AGBL4: variants seen among roughly 807,000 people sequenced by gnomAD.
AGBL4 encodes cytosolic carboxypeptidase 6.
Under a neutral mutation model 66.4 loss-of-function variants are expected in AGBL4, and 58 were observed. The observed-to-expected ratio is 0.87, with a 90% CI of 0.71 to 1.09. The LOEUF is 1.09. Among genes scored for constraint, AGBL4 ranks in the 50% least tolerant of loss-of-function variants. The probability of loss-of-function intolerance (pLI) is 0.00; values close to 1 mark genes in which losing one functional copy is unlikely to be tolerated. For synonymous variants in AGBL4, 234 were observed against 222.9 expected (o/e 1.05, Z -0.44); for missense variants, 579 against 631.0 (o/e 0.92, Z 0.88).
intron 2 of AGBL4, among the ~76,000 whole-genome samples, chr1:49,799,540 G>GT (rs1644809255): frequency 6.6e-6 from 1 of 152,132 alleles, no homozygotes; most frequent in South Asian, 2.1e-4. Context: ...GCTTTTAACA[G>GT]TTGTTTATAG....
intron 2 of AGBL4, among the ~76,000 whole-genome samples, chr1:49,832,742 A>G (rs936006272): frequency 3.3e-5 from 5 of 152,220 alleles, no homozygotes; most frequent in Admixed American, 6.5e-5. Context: ...TTTCTCTGAT[A>G]GCCAATGATG....
intron 2 of AGBL4, among the ~76,000 whole-genome samples, chr1:49,728,124 C>A (rs867642169): frequency 6.6e-6 from 1 of 152,122 alleles, no homozygotes; most frequent in African/African-American, 2.4e-5. Flanking sequence ...TTAAAGTACT[C>A]CTGCCCTATA....
At chr1:48,789,300 T>A (rs921333695) in intron 6 of AGBL4, among the ~76,000 whole-genome samples, 14 of 151,298 alleles carry the variant, frequency 9.3e-5, no homozygotes, top group African/African-American at 2.9e-4. Flanking sequence ...ATATATTTTT[T>A]TTTTTTGAGA....
intron 6 of AGBL4, among the ~76,000 whole-genome samples, chr1:48,751,728 T>C (rs1342880699): frequency 1.3e-5 from 2 of 152,006 alleles, no homozygotes; most frequent in African/African-American, 2.4e-5. Context: ...ATTCTGACAA[T>C]GGGGAAAAGC....
chr1:48,788,364 C>T (rs1645458821), intron 6 of AGBL4, among the ~76,000 whole-genome samples: 1 of 152,194 alleles, frequency 6.6e-6, no homozygotes, highest in African/African-American at 2.4e-5. Flanking sequence ...TTTTCCTCCT[C>T]CCTGAAGGCT....
intron 3 of AGBL4, among the ~76,000 whole-genome samples, chr1:49,624,583 A>G (rs995527675): frequency 3.3e-5 from 5 of 152,216 alleles, no homozygotes; most frequent in African/African-American, 9.6e-5. Context: ...AGCTGACTCA[A>G]TTGGAAGGTG....
At chr1:49,290,111 C>T (rs929886273) in intron 3 of AGBL4, among the ~76,000 whole-genome samples, 2 of 152,134 alleles carry the variant, frequency 1.3e-5, no homozygotes, top group African/African-American at 2.4e-5. Context: ...CTCAAAAACA[C>T]AATTTATTGA....
intron 6 of AGBL4, among the ~76,000 whole-genome samples, chr1:48,828,558 T>C (rs1490069282): frequency 6.6e-6 from 1 of 152,206 alleles, no homozygotes; most frequent in Admixed American, 6.5e-5. Flanking sequence ...TTCAAATATT[T>C]GGAGTGATTT....
intron 6 of AGBL4, among the ~76,000 whole-genome samples, chr1:48,810,456 G>A (rs558759523): frequency 6.6e-6 from 1 of 152,078 alleles, no homozygotes; most frequent in Non-Finnish European, 1.5e-5. Context: ...AAGAGCACAG[G>A]CCTCAGGCCT....
At chr1:49,323,979 CTG>C (rs1258589018) in intron 3 of AGBL4, among the ~76,000 whole-genome samples, 2 of 152,184 alleles carry the variant, frequency 1.3e-5, no homozygotes, top group Non-Finnish European at 2.9e-5. Flanking sequence ...TTAGTCAAAA[CTG>C]TAATTAATTA....
chr1:49,240,807 A>G (rs1045174562), intron 4 of AGBL4, among the ~76,000 whole-genome samples: 1 of 151,310 alleles, frequency 6.6e-6, no homozygotes, highest in Non-Finnish European at 1.5e-5. Flanking sequence ...CCTACCTGAC[A>G]TCTCTGCTTG....
chr1:48,898,588 C>A (rs150251243), intron 5 of AGBL4, among the ~76,000 whole-genome samples: 1 of 152,100 alleles, frequency 6.6e-6, no homozygotes, highest in Non-Finnish European at 1.5e-5. Flanking sequence ...GTTCTTGGCA[C>A]CTTTGTTAAA....
intron 11 of AGBL4, among the ~76,000 whole-genome samples, chr1:48,570,827 A>G (rs746169524): frequency 2.6e-5 from 4 of 152,160 alleles, no homozygotes; most frequent in Non-Finnish European, 5.9e-5. Context: ...CTTAGTGCGT[A>G]TAAGTAGGGG....
At chr1:49,627,971 C>T (rs1365982233) in intron 3 of AGBL4, among the ~76,000 whole-genome samples, 10 of 152,242 alleles carry the variant, frequency 6.6e-5, no homozygotes, top group East Asian at 3.9e-4. Context: ...GATATCCAAT[C>T]GCAGATAAGC....
chr1:49,366,848 C>T (rs1440287813), intron 3 of AGBL4, among the ~76,000 whole-genome samples: 1 of 152,120 alleles, frequency 6.6e-6, no homozygotes, highest in Non-Finnish European at 1.5e-5. Context: ...CTTCCTTTGG[C>T]TACAGCTGAT....
At chr1:49,124,236 A>AGG (rs2148052247) in intron 4 of AGBL4, among the ~76,000 whole-genome samples, 1 of 152,354 alleles carries the variant, frequency 6.6e-6, no homozygotes, top group African/African-American at 2.4e-5. Flanking sequence ...AGAAAAATTA[A>AGG]TTAAACTATA....
chr1:49,575,342 T>C (rs1003091076), intron 3 of AGBL4, among the ~76,000 whole-genome samples: 6 of 152,170 alleles, frequency 3.9e-5, no homozygotes, highest in African/African-American at 1.4e-4. Flanking sequence ...ATAACTGGCA[T>C]AGACATACTT....
intron 3 of AGBL4, among the ~76,000 whole-genome samples, chr1:49,459,921 A>G (rs1646474509): frequency 6.6e-6 from 1 of 151,476 alleles, no homozygotes; most frequent in Non-Finnish European, 1.5e-5. Context: ...GGTTGACTCA[A>G]TGATCATGCA....
At chr1:49,983,435 G>A (rs1206693779) in intron 1 of AGBL4, among the ~76,000 whole-genome samples, 2 of 152,208 alleles carry the variant, frequency 1.3e-5, no homozygotes, top group African/African-American at 4.8e-5. Flanking sequence ...ACAGTGGTGG[G>A]ACCCCATGCT....
Sources: gnomAD v4.1 joint callset for allele counts (sites outside exome capture counted in the v4.1 genomes callset) on GRCh38, gnomAD v4.1.1 for gene constraint, MANE v1.5 for transcripts, NCBI Gene and HGNC (gene_info 2026-07-23, HGNC 2026-07-21) for gene names.